MAN1C1: variants seen among roughly 807,000 people sequenced by gnomAD.
MAN1C1 encodes the protein mannosidase alpha class 1C member 1.
A neutral mutation model predicts 71.5 loss-of-function variants in MAN1C1; 49 were observed. That is an observed-to-expected ratio of 0.69 (90% CI 0.54 to 0.87). The LOEUF (loss-of-function observed/expected upper bound fraction) is 0.87. Ranked by LOEUF, MAN1C1 falls within the 40% of genes least tolerant of loss-of-function variation. The pLI is 0.00. For synonymous variants in MAN1C1, 352 were observed against 343.7 expected, an observed-to-expected ratio of 1.02 and a Z score of -0.27; for missense variants, 743 against 835.0, an observed-to-expected ratio of 0.89 and a Z score of 1.36.
At chr1:25,662,952 A>G (rs182832793) in intron 1 of MAN1C1, among the ~76,000 whole-genome samples, 3,015 of 151,712 alleles carry the variant, frequency 0.02, 103 homozygotes, top group African/African-American at 0.069. Flanking sequence ...CCAGCTCCTC[A>G]GGAGGCTGAG....
At position 25,746,874 on chromosome 1, in the gene MAN1C1, T is replaced by A; in HGVS notation, c.753+91T>A. 1.2e-6 allele frequency: 1 copy of A among 864,276 alleles called. No homozygotes were observed. 53.5% of individuals were successfully genotyped at this position (864,276 alleles called of 1,614,324 possible). Reference sequence around the variant, plus strand: ...CCCTGTCATCTCTGAGACCCAGAGATGTTGAGGGTCTCTCCCACGGCTGCA... The same window carrying A: ...CCCTGTCATCTCTGAGACCCAGAGAAGTTGAGGGTCTCTCCCACGGCTGCA... On this transcript the variant is annotated intron_variant, in intron 3 of 11. Transcript: ENST00000374332. This position sits in a 1 kb window ranked among gnomAD's most constrained non-coding sequence, Gnocchi z 4.0.
At chr1:25,692,854 A>C (rs1487389810) in intron 2 of MAN1C1, among the ~76,000 whole-genome samples, 1 of 152,164 alleles carries the variant, frequency 6.6e-6, no homozygotes, top group Non-Finnish European at 1.5e-5. Flanking sequence ...AGGCATCATC[A>C]TTTATTAGAC....
At position 25,764,340 on chromosome 1, in the gene MAN1C1, G is replaced by A. The variant is rs970279348; in HGVS notation, c.1141+373G>A. Among the ~76,000 whole-genome samples the A allele has an allele frequency of 6.6e-6, 1 of 152,262 alleles. No individual in the cohort carries two copies. Among genetic ancestry groups the A allele is most frequent in the African/African-American group, 2.4e-5 (1 of 41,558 alleles). On this transcript the variant is annotated intron_variant, in intron 7 of 11. Coordinates refer to ENST00000374332, the MANE Select transcript of MAN1C1 (RefSeq NM_020379.4). The surrounding 1 kb of genome is among the most constrained non-coding windows in gnomAD (Gnocchi z 4.4). ...CCAGGTGGAGTCATCCATTCTAGAA[G>A]TGGCTCCAAGAGAGGCCAGGCATCC...
At chr1:25,721,308 A>C (rs978268294) in intron 2 of MAN1C1, among the ~76,000 whole-genome samples, 1 of 152,122 alleles carries the variant, frequency 6.6e-6, no homozygotes, top group Non-Finnish European at 1.5e-5. Flanking sequence ...CAGCTTGTCA[A>C]CTTCTGCGAA....
chr1:25,770,109 C>T (rs2047530206), intron 7 of MAN1C1, among the ~76,000 whole-genome samples: 1 of 152,140 alleles, frequency 6.6e-6, no homozygotes, highest in Admixed American at 6.5e-5. Flanking sequence ...ACAGACCTGC[C>T]CCTCCTCAAC....
chr1:25,766,359 G>C (rs1572205175), intron 7 of MAN1C1, among the ~76,000 whole-genome samples: 2 of 149,894 alleles, frequency 1.3e-5, no homozygotes, highest in South Asian at 4.2e-4. Flanking sequence ...TTTTTTTTTT[G>C]GTGCATACGT....
chr1:25,737,360 T>G (rs183661336), intron 2 of MAN1C1, among the ~76,000 whole-genome samples: 242 of 152,236 alleles, frequency 1.6e-3, no homozygotes, highest in African/African-American at 5.5e-3. Flanking sequence ...AGGAAGCCAT[T>G]AGTTCCACCA....
rs2982299 is a variant in MAN1C1 at position 25,623,284 on chromosome 1, T to C, written c.540+4947T>C. On this transcript the variant is annotated intron_variant, in intron 1 of 11. Transcript: ENST00000374332. ...CAACTTAACTCCCACACGTTGGTTG[T>C]GTCTCTGCTTTCATTTCTAGTTGTA... Among the ~76,000 whole-genome samples, 5 of 152,090 alleles carry C rather than the reference T, an allele frequency of 3.3e-5. No homozygotes were observed. In the South Asian group the frequency reaches 1.0e-3, roughly 32 times the overall value.
At chr1:25,760,826 T>C (rs1014826900) in intron 6 of MAN1C1, 2 of 152,186 alleles carry the variant, frequency 1.3e-5, no homozygotes, top group African/African-American at 4.8e-5. Context: ...CTGAGTAGGA[T>C]TTAACCACTG....
chr1:25,666,221 C>T (rs1004122983), intron 1 of MAN1C1, among the ~76,000 whole-genome samples: 1 of 152,182 alleles, frequency 6.6e-6, no homozygotes, highest in Non-Finnish European at 1.5e-5. Flanking sequence ...AGACTTTTAA[C>T]GGTTTAAATA....
chr1:25,641,220 C>T (rs1371699425), intron 1 of MAN1C1, among the ~76,000 whole-genome samples: 1 of 152,232 alleles, frequency 6.6e-6, no homozygotes, highest in African/African-American at 2.4e-5. Flanking sequence ...AAGAGTTTAG[C>T]TGATCCAGCC....
chr1:25,633,359 G>C (rs534516188), intron 1 of MAN1C1, among the ~76,000 whole-genome samples: 75 of 151,944 alleles, frequency 4.9e-4, no homozygotes, highest in Non-Finnish European at 9.0e-4. Flanking sequence ...TTGATGTTTT[G>C]TCTCAATGAT....
In MAN1C1 at chr1:25,735,198, A is replaced by T. The variant is rs1486718315; in HGVS notation, c.638-11470A>T. 6.6e-6 allele frequency among the ~76,000 whole-genome samples: 1 copy of T among 152,238 alleles called. No homozygotes were observed. The highest frequency in any genetic ancestry group is 1.5e-5 in the Non-Finnish European group (1 of 68,040). On this transcript the variant is annotated intron_variant, in intron 2 of 11. Coordinates refer to ENST00000374332, the MANE Select transcript of MAN1C1 (RefSeq NM_020379.4). The surrounding 1 kb of genome is among the most constrained non-coding windows in gnomAD (Gnocchi z 4.6). Reference sequence around the variant, plus strand: ...CGTGGGAGACCGAGACAGGTGGATCACTTGAGGCCAGGAGTTTGAGACAAG... The same window carrying T: ...CGTGGGAGACCGAGACAGGTGGATCTCTTGAGGCCAGGAGTTTGAGACAAG...
intron 1 of MAN1C1, among the ~76,000 whole-genome samples, chr1:25,623,919 G>T (rs2045254706): frequency 6.6e-6 from 1 of 152,166 alleles, no homozygotes; most frequent in Non-Finnish European, 1.5e-5. Context: ...CTTGAAAATA[G>T]GGGCCATGCA....
intron 2 of MAN1C1, among the ~76,000 whole-genome samples, chr1:25,703,945 C>T (rs1360174222): frequency 1.3e-5 from 2 of 152,174 alleles, no homozygotes; most frequent in African/African-American, 4.8e-5. Context: ...AAAGGGCCCA[C>T]CTTCTTGGGC....
intron 2 of MAN1C1, among the ~76,000 whole-genome samples, chr1:25,713,758 A>G (rs917061103): frequency 2.0e-5 from 3 of 152,184 alleles, no homozygotes; most frequent in African/African-American, 7.2e-5. Flanking sequence ...CAGCCTGCAC[A>G]GGTGATCAGA....
At chr1:25,635,455 T>A (rs567304822) in intron 1 of MAN1C1, among the ~76,000 whole-genome samples, 429 of 147,336 alleles carry the variant, frequency 2.9e-3, no homozygotes, top group Non-Finnish European at 4.2e-3. Flanking sequence ...TTTTTTTTTT[T>A]ATGTGTGTGT....
At chr1:25,641,847 T>C (rs2045542068) in intron 1 of MAN1C1, among the ~76,000 whole-genome samples, 1 of 152,232 alleles carries the variant, frequency 6.6e-6, no homozygotes, top group African/African-American at 2.4e-5. Flanking sequence ...GAGCAGACAC[T>C]GTTTACATGA....
At chr1:25,742,443 C>G (rs2047075063) in intron 2 of MAN1C1, among the ~76,000 whole-genome samples, 1 of 152,132 alleles carries the variant, frequency 6.6e-6, no homozygotes, top group Non-Finnish European at 1.5e-5. Flanking sequence ...TTAAGTTGGG[C>G]CAAGGGTTTT....
Sources: allele counts gnomAD v4.1 joint callset (sites outside exome capture counted in the v4.1 genomes callset), GRCh38; gene constraint gnomAD v4.1.1; non-coding constraint Gnocchi (gnomAD v3.1); transcripts MANE v1.5; gene names NCBI Gene and HGNC (gene_info 2026-07-23, HGNC 2026-07-21).